The following MB variants were observed in gnomAD, a reference collection of about 807,000 sequenced individuals.
The protein encoded by MB is myoglobin.
Under a neutral mutation model 14.5 loss-of-function variants are expected in MB, and 10 were observed. The ratio of observed to expected loss-of-function variants is 0.69; its 90% CI spans 0.43 to 1.17. The LOEUF (loss-of-function observed/expected upper bound fraction) is 1.17, where lower values mean the gene tolerates loss of function less well. MB is among the 50% of genes most tolerant of loss of function. The pLI is 0.00. For synonymous variants in MB, 89 were observed against 78.6 expected (o/e 1.13, Z -0.70); for missense variants, 169 against 192.7 (o/e 0.88, Z 0.73).
At chr22:35,619,022 A>T (rs1167865977), upstream of MB, among the ~76,000 whole-genome samples, 1 of 150,396 alleles carries the variant, frequency 6.6e-6, no homozygotes, top group Non-Finnish European at 1.5e-5. Context: ...TCCATCCATC[A>T]TCCACCCATC....
chr22:35,614,488 C>CAAAA (rs34697597), intron 1 of MB, among the ~76,000 whole-genome samples: 3 of 141,242 alleles, frequency 2.1e-5, no homozygotes, highest in African/African-American at 2.6e-5. Context: ...GACTCCATCT[C>CAAAA]AAAAAAAAAA....
chr22:35,615,385 C>G (rs999059913), intron 1 of MB, among the ~76,000 whole-genome samples: 6 of 152,196 alleles, frequency 3.9e-5, no homozygotes, highest in Non-Finnish European at 8.8e-5. Context: ...CCTCTGGGAC[C>G]TTTCAGGGAC....
intron 1 of MB, among the ~76,000 whole-genome samples, chr22:35,616,908 C>G (rs45502993): frequency 2.4e-3 from 364 of 152,304 alleles, no homozygotes; most frequent in Non-Finnish European, 3.6e-3. Flanking sequence ...AAAATTCTTC[C>G]TGGTGGACTC....
upstream of MB, chr22:35,617,556 G>A (rs769465407): frequency 7.6e-5 from 27 of 357,420 alleles, no homozygotes; most frequent in East Asian, 1.7e-4. Context: ...GTGGTTGTGC[G>A]TGTGGAAAGA....
chr22:35,616,408 C>G (rs1923081110), intron 1 of MB, among the ~76,000 whole-genome samples: 1 of 152,198 alleles, frequency 6.6e-6, no homozygotes, highest in Admixed American at 6.5e-5. Context: ...ATTCAGACCT[C>G]TCAAACTAGA....
At chr22:35,622,730 C>T (rs936540478) in intron 1 of MB, among the ~76,000 whole-genome samples, 2 of 152,158 alleles carry the variant, frequency 1.3e-5, no homozygotes, top group Admixed American at 6.5e-5. Context: ...CCCCTCCACC[C>T]TCCCCAGCCT....
chr22:35,607,897 T>C (rs1390528455), intron 2 of MB, among the ~76,000 whole-genome samples: 1 of 152,218 alleles, frequency 6.6e-6, no homozygotes, highest in African/African-American at 2.4e-5. Context: ...AAAGGAACTA[T>C]TTCTATTTGT....
Position 35,609,244 on chromosome 22 carries a change from A to G in MB, c.318+1640T>C, listed in dbSNP as rs45443897. Among the ~76,000 whole-genome samples the G allele has an allele frequency of 4.2e-3, 637 of 152,328 alleles. 1 individual carries two copies. The highest frequency in any genetic ancestry group is 6.6e-3 in the Non-Finnish European group (450 of 68,028). ...GCTGGGCAAAGAGACAAATTATCAC[A>G]CAGCCTGGCAGTGCCATGACCGGAG... On this transcript the variant is annotated intron_variant, in intron 2 of 2. Transcript: ENST00000397326.
chr22:35,617,242 C>G lies in MB; in HGVS notation c.16G>C (p.Gly6Arg). 2 of 1,614,114 alleles carry G rather than the reference C, an allele frequency of 1.2e-6. No homozygotes were observed. The highest frequency in any genetic ancestry group is 1.7e-6 in the Non-Finnish European group (2 of 1,179,964). The change falls in exon 1 of 3, where the codon GGG (glycine) becomes CGG (arginine). Residue 6 changes from glycine to arginine, a missense_variant. Physicochemically the swap from Gly to Arg is moderately radical, Grantham distance 125. Transcript: ENST00000397326. ...ACGTTCAGCACCAACTGCCATTCCCCGTCGCTGAGCCCCATGGCGCAGTCT... is the reference window on the plus strand; with the variant it reads ...ACGTTCAGCACCAACTGCCATTCCCGGTCGCTGAGCCCCATGGCGCAGTCT... Reference protein sequence around the residue: MGLSDGEWQLVLNVWG... With the variant: MGLSDREWQLVLNVWG...
intron 1 of MB, among the ~76,000 whole-genome samples, chr22:35,616,215 A>C (rs1392686574): frequency 6.6e-6 from 1 of 152,240 alleles, no homozygotes; most frequent in Non-Finnish European, 1.5e-5. Flanking sequence ...GAACCAGCTC[A>C]GAATGGTGAG....
At chr22:35,618,842 T>C (rs1373882707), upstream of MB, among the ~76,000 whole-genome samples, 6 of 148,820 alleles carry the variant, frequency 4.0e-5, no homozygotes, top group Non-Finnish European at 7.4e-5. Context: ...CATTCATCCA[T>C]TCATTATCCC....
chr22:35,606,981 CA>C lies in MB; in HGVS notation c.*315del. On this transcript the variant is annotated 3_prime_UTR_variant, in exon 3 of 3. Coordinates refer to ENST00000397326, the MANE Select transcript of MB (RefSeq NM_005368.3). ...AGTTAATGGCTTGGATTTGGGGTTA[CA>C]GCCAGTTTGGAGGTTGGAAGAAGTT... 1 of 249,048 alleles carries C rather than the reference CA, an allele frequency of 4.0e-6. No homozygotes were observed. Among genetic ancestry groups the C allele is most frequent in the Non-Finnish European group, 7.7e-6 (1 of 129,734 alleles). The allele number at this position is 249,048 out of a possible 1,614,324, so 15.4% of individuals were successfully genotyped here.
upstream of MB, among the ~76,000 whole-genome samples, chr22:35,621,525 T>TA (rs1329869205): frequency 6.6e-6 from 1 of 152,230 alleles, no homozygotes; most frequent in Non-Finnish European, 1.5e-5. Flanking sequence ...ATCTTGTGAC[T>TA]AAAAGAGGCC....
chr22:35,612,908 C>T (rs1054347946), intron 1 of MB, among the ~76,000 whole-genome samples: 4 of 152,108 alleles, frequency 2.6e-5, no homozygotes, highest in Admixed American at 6.5e-5. Context: ...AAATATATCC[C>T]AGCACACGCC....
chr22:35,614,531 T>C (rs1184511318), intron 1 of MB, among the ~76,000 whole-genome samples: 2 of 151,610 alleles, frequency 1.3e-5, no homozygotes, highest in East Asian at 3.9e-4. Context: ...CCAAGCTGCC[T>C]GAATTTGAAT....
At chr22:35,618,561 C>A (rs45518240), upstream of MB, among the ~76,000 whole-genome samples, 1,403 of 152,126 alleles carry the variant, frequency 9.2e-3, 30 homozygotes, top group African/African-American at 0.032. Context: ...CTTTGTCTAT[C>A]CATGCATTCA....
chr22:35,620,098 G>T (rs1485172376), upstream of MB, among the ~76,000 whole-genome samples: 2 of 152,242 alleles, frequency 1.3e-5, no homozygotes, highest in Non-Finnish European at 2.9e-5. Flanking sequence ...CAATTTGGGA[G>T]GCTGAGGTGG....
At chr22:35,617,972 C>G (rs1923205882), upstream of MB, among the ~76,000 whole-genome samples, 2 of 152,218 alleles carry the variant, frequency 1.3e-5, no homozygotes, top group South Asian at 4.1e-4. Context: ...CCTTTCCTTT[C>G]TTTGTGTAAG....
intron 1 of MB, among the ~76,000 whole-genome samples, chr22:35,614,488 C>CAAAAAA (rs34697597): frequency 7.1e-6 from 1 of 141,244 alleles, no homozygotes. Context: ...GACTCCATCT[C>CAAAAAA]AAAAAAAAAA....
Sources: gnomAD v4.1 joint callset for allele counts (sites outside exome capture counted in the v4.1 genomes callset) on GRCh38, gnomAD v4.1.1 for gene constraint, MANE v1.5 for transcripts, NCBI Gene and HGNC (gene_info 2026-07-23, HGNC 2026-07-21) for gene names.